Variants in RMST observed in about 807,000 individuals in gnomAD.
RMST encodes rhabdomyosarcoma 2 associated transcript, also known as long intergenic non-protein coding RNA 54.
intron 11 of RMST, among the ~76,000 whole-genome samples, chr12:97,544,067 C>T (rs1377601853): frequency 1.3e-5 from 2 of 151,930 alleles, no homozygotes; most frequent in African/African-American, 2.4e-5. Flanking sequence ...CCTCCTTGCC[C>T]TTCTATCAAA....
intron 10 of RMST, among the ~76,000 whole-genome samples, chr12:97,499,896 C>T (rs1348116517): frequency 3.9e-5 from 6 of 152,028 alleles, no homozygotes; most frequent in Non-Finnish European, 7.4e-5. Context: ...TGACCTCGGG[C>T]GATCTGCCTG....
chr12:97,521,444 A>G (rs1880500804), intron 10 of RMST, among the ~76,000 whole-genome samples: 1 of 152,186 alleles, frequency 6.6e-6, no homozygotes, highest in African/African-American at 2.4e-5. Flanking sequence ...ATATGTATGT[A>G]TGTATATATA....
chr12:97,501,990 C>A (rs546843509), intron 10 of RMST, among the ~76,000 whole-genome samples: 1 of 152,036 alleles, frequency 6.6e-6, no homozygotes, highest in Admixed American at 6.6e-5. Flanking sequence ...GTATGAGTTA[C>A]GGTTGATAAT....
At chr12:97,551,171 TA>T (rs371319102) in intron 11 of RMST, among the ~76,000 whole-genome samples, 15,680 of 132,256 alleles carry the variant, frequency 0.12, 891 homozygotes, top group East Asian at 0.21. Context: ...TCATTGTTTT[TA>T]AAAAAAAAAA....
chr12:97,496,445 CAT>C (rs1877427197), intron 10 of RMST, among the ~76,000 whole-genome samples: 1 of 152,058 alleles, frequency 6.6e-6, no homozygotes, highest in Admixed American at 6.6e-5. Flanking sequence ...GTACCTCAAA[CAT>C]ATATGTGTTT....
intron 10 of RMST, among the ~76,000 whole-genome samples, chr12:97,504,817 A>T (rs1352228751): frequency 2.0e-5 from 3 of 152,136 alleles, no homozygotes; most frequent in African/African-American, 7.2e-5. Flanking sequence ...CCAGGATAGG[A>T]GGATAGGGAA....
chr12:97,497,521 A>G (rs1304711061), intron 10 of RMST, among the ~76,000 whole-genome samples: 1 of 152,206 alleles, frequency 6.6e-6, no homozygotes, highest in Non-Finnish European at 1.5e-5. Context: ...TCAGACACTG[A>G]CCAGGGCAAC....
chr12:97,533,614 A>G (rs1351920928), intron 11 of RMST: 1 of 151,810 alleles, frequency 6.6e-6, no homozygotes, highest in Non-Finnish European at 1.5e-5. Flanking sequence ...CATTTCTTCA[A>G]AAAACTGTTT....
At chr12:97,488,321 C>T (rs1296465002) in intron 5 of RMST, among the ~76,000 whole-genome samples, 10 of 152,018 alleles carry the variant, frequency 6.6e-5, no homozygotes, top group African/African-American at 2.4e-4. Context: ...GAGGTTGCAG[C>T]GAGGAACCTA....
chr12:97,497,084 CA>C (rs1247758326), intron 10 of RMST, among the ~76,000 whole-genome samples: 1 of 152,108 alleles, frequency 6.6e-6, no homozygotes, highest in Non-Finnish European at 1.5e-5. Flanking sequence ...CCCATCTTAC[CA>C]TGGAATATAA....
chr12:97,499,866 C>T (rs149897128), intron 10 of RMST, among the ~76,000 whole-genome samples: 31 of 152,106 alleles, frequency 2.0e-4, no homozygotes, highest in African/African-American at 7.2e-4. Flanking sequence ...ACCATGTTGA[C>T]CAGGCTGGTT....
At chr12:97,553,102 C>T (rs1883419515) in intron 11 of RMST, among the ~76,000 whole-genome samples, 1 of 152,000 alleles carries the variant, frequency 6.6e-6, no homozygotes, top group Admixed American at 6.5e-5. Flanking sequence ...GTTATTTTAC[C>T]AGTTGAAACA....
exon 14 of RMST, chr12:97,564,400 G>C (rs1022961999): frequency 6.4e-6 from 1 of 156,422 alleles, no homozygotes; most frequent in Non-Finnish European, 1.4e-5. Flanking sequence ...TTCCATGTAA[G>C]GGTGTGGTAC....
chr12:97,559,170 G>A (rs1269119752), intron 11 of RMST, among the ~76,000 whole-genome samples: 1 of 151,540 alleles, frequency 6.6e-6, no homozygotes, highest in Non-Finnish European at 1.5e-5. Flanking sequence ...TCTCAGTTTA[G>A]GGTTCATGAA....
intron 5 of RMST, among the ~76,000 whole-genome samples, chr12:97,471,149 C>T (rs952481303): frequency 6.6e-6 from 1 of 152,106 alleles, no homozygotes; most frequent in Middle Eastern, 3.2e-3. Flanking sequence ...AGTACTACAT[C>T]TGACCTCTGC....
chr12:97,470,470 AG>A (rs1873783581), intron 5 of RMST, among the ~76,000 whole-genome samples: 1 of 152,014 alleles, frequency 6.6e-6, no homozygotes, highest in Non-Finnish European at 1.5e-5. Flanking sequence ...ATGACAATGG[AG>A]GAAAGCTTGC....
chr12:97,532,286 A>T (rs1286249553), intron 11 of RMST, among the ~76,000 whole-genome samples: 1 of 151,900 alleles, frequency 6.6e-6, no homozygotes, highest in Non-Finnish European at 1.5e-5. Context: ...AATGTCTGGC[A>T]CATAATAGGC....
intron 4 of RMST, chr12:97,465,548 T>C (rs1019589451): frequency 1.3e-5 from 2 of 152,160 alleles, no homozygotes; most frequent in African/African-American, 4.8e-5. Flanking sequence ...ACAAAATAGG[T>C]ATCAGGAAAG....
rs1347681476 is a variant in RMST, at chr12:97,512,999, C to T, written n.1340+16943C>T. 6.6e-5 allele frequency among the ~76,000 whole-genome samples: 10 copies of T among 152,238 alleles called. No individual in the cohort carries two copies. In the East Asian group the frequency reaches 1.2e-3, roughly 18 times the overall value. ...CTGCTAGCCCAGGTGCTAAGCCCCT[C>T]ACTGCCTGGGGCCTGCCGGCCGGCC... On this transcript the variant is annotated intron_variant and non_coding_transcript_variant, in intron 10 of 13. Transcript: ENST00000640149.
Sources: allele counts gnomAD v4.1 joint callset (sites outside exome capture counted in the v4.1 genomes callset), GRCh38; gene constraint gnomAD v4.1.1; transcripts MANE v1.5; gene names NCBI Gene and HGNC (gene_info 2026-07-23, HGNC 2026-07-21).